Variants in DCC observed in about 807,000 individuals in gnomAD.
DCC encodes the protein netrin receptor DCC.
Under a neutral mutation model 172.5 loss-of-function variants are expected in DCC, and 58 were observed. The ratio of observed to expected loss-of-function variants is 0.34; its 90% CI spans 0.27 to 0.42. The LOEUF (loss-of-function observed/expected upper bound fraction) is 0.42, where lower values mean the gene tolerates loss of function less well. Ranked by LOEUF, DCC falls within the 10% of genes least tolerant of loss-of-function variation. The pLI is 1.00. For synonymous variants in DCC, 709 were observed against 644.5 expected, an observed-to-expected ratio of 1.10 and a Z score of -1.52; for missense variants, 1,740 against 1,791.0, an observed-to-expected ratio of 0.97 and a Z score of 0.51.
chr18:53,292,118 C>G (rs1045363125), intron 12 of DCC, among the ~76,000 whole-genome samples: 8 of 139,316 alleles, frequency 5.7e-5, no homozygotes, highest in African/African-American at 2.0e-4. Flanking sequence ...GCTCCACCCC[C>G]CCCCCCTTTT....
chr18:52,529,511 C>G (rs1179803031), intron 1 of DCC, among the ~76,000 whole-genome samples: 1 of 152,150 alleles, frequency 6.6e-6, no homozygotes, highest in Non-Finnish European at 1.5e-5. Flanking sequence ...AGGATGGTCT[C>G]GATCTCCTGA....
intron 1 of DCC, among the ~76,000 whole-genome samples, chr18:52,524,053 A>C (rs915133194): frequency 3.9e-5 from 6 of 152,356 alleles, no homozygotes; most frequent in African/African-American, 1.4e-4. Context: ...GGGTGTTGTT[A>C]CACCAAGTTT....
intron 28 of DCC, 126 bp downstream of exon 28, chr18:53,526,885 G>GTTGT (rs757838994): frequency 4.3e-5 from 21 of 485,706 alleles, no homozygotes; most frequent in Non-Finnish European, 7.0e-5. Flanking sequence ...TGTTCTTATT[G>GTTGT]TTGTTTGTTC....
intron 22 of DCC, among the ~76,000 whole-genome samples, chr18:53,449,481 C>T (rs1038051999): frequency 5.3e-5 from 8 of 152,174 alleles, no homozygotes; most frequent in African/African-American, 1.2e-4. Flanking sequence ...CTTTTGAACC[C>T]GGTGGCTGCT....
chr18:52,406,622 G>T (rs1363349166), intron 1 of DCC, among the ~76,000 whole-genome samples: 1 of 152,028 alleles, frequency 6.6e-6, no homozygotes, highest in Non-Finnish European at 1.5e-5. Context: ...TAAAATAAAT[G>T]TTCAAAGATG....
intron 28 of DCC, 57 bp from the exon 29 acceptor site, chr18:53,530,507 C>T: frequency 2.0e-6 from 2 of 1,000,664 alleles, no homozygotes; most frequent in Non-Finnish European, 1.6e-6. Flanking sequence ...CCCCGGCCTT[C>T]ATAAAAGAAA....
At chr18:53,091,992 C>T (rs959289603) in intron 7 of DCC, among the ~76,000 whole-genome samples, 1 of 151,332 alleles carries the variant, frequency 6.6e-6, no homozygotes, top group African/African-American at 2.4e-5. Flanking sequence ...TCATCTTGGC[C>T]TTTGAGATCA....
At chr18:53,273,264 T>C (rs1568405272) in intron 12 of DCC, among the ~76,000 whole-genome samples, 1 of 152,156 alleles carries the variant, frequency 6.6e-6, no homozygotes, top group Non-Finnish European at 1.5e-5. Flanking sequence ...TATGAAATTA[T>C]ACATGAGCCT....
chr18:52,738,504 CTT>C (rs1390808613), intron 1 of DCC, among the ~76,000 whole-genome samples: 3 of 152,000 alleles, frequency 2.0e-5, no homozygotes, highest in Admixed American at 2.0e-4. Flanking sequence ...AAATGATGGA[CTT>C]ATATAAGGCA....
At chr18:52,716,267 G>C (rs1008331677) in intron 1 of DCC, among the ~76,000 whole-genome samples, 10 of 152,218 alleles carry the variant, frequency 6.6e-5, no homozygotes, top group African/African-American at 2.4e-4. Flanking sequence ...GCACGTTGGC[G>C]GTTTTCTGGG....
At chr18:53,205,577 A>G (rs78492346) in intron 10 of DCC, among the ~76,000 whole-genome samples, 2,869 of 152,304 alleles carry the variant, frequency 0.019, 38 homozygotes, top group Non-Finnish European at 0.029. Context: ...TAAATGGGCA[A>G]TAAAGTGAAG....
Position 52,340,663 on chromosome 18 carries a change from G to A in DCC, c.-125G>A, listed in dbSNP as rs562417758. The A allele has an allele frequency of 1.3e-6, 1 of 773,912 alleles. No homozygotes were observed. The highest frequency in any genetic ancestry group is 1.4e-5 in the South Asian group (1 of 73,476). The allele number at this position is 773,912 out of a possible 1,614,324, so 47.9% of individuals were successfully genotyped here. On this transcript the variant is annotated 5_prime_UTR_variant, in exon 1 of 29. Coordinates refer to ENST00000442544, the MANE Select transcript of DCC (RefSeq NM_005215.4). ...GGAGAAAGAGGTGGAGGAAGAGGACGAGGAGGAGGAGGAAGCCGAAGGGGC... is the reference window on the plus strand; with the variant it reads ...GGAGAAAGAGGTGGAGGAAGAGGACAAGGAGGAGGAGGAAGCCGAAGGGGC...
intron 14 of DCC, among the ~76,000 whole-genome samples, chr18:53,326,722 T>C (rs140435667): frequency 6.6e-6 from 1 of 152,330 alleles, no homozygotes; most frequent in African/African-American, 2.4e-5. Flanking sequence ...TGGCTAATGT[T>C]GGAAAGCTTT....
intron 1 of DCC, among the ~76,000 whole-genome samples, chr18:52,696,765 A>G (rs938240131): frequency 7.2e-5 from 11 of 152,354 alleles, no homozygotes; most frequent in Non-Finnish European, 1.5e-5. Flanking sequence ...AGATAAGATC[A>G]GGTACAATGA....
chr18:53,070,191 G>T (rs2042633666), intron 7 of DCC, among the ~76,000 whole-genome samples: 1 of 151,958 alleles, frequency 6.6e-6, no homozygotes, highest in African/African-American at 2.4e-5. Flanking sequence ...ATAGAGACAG[G>T]GTTTCACCAG....
At chr18:53,154,288 T>C (rs2054692780) in intron 7 of DCC, among the ~76,000 whole-genome samples, 1 of 152,156 alleles carries the variant, frequency 6.6e-6, no homozygotes, top group East Asian at 1.9e-4. Flanking sequence ...CTCCCTGCCC[T>C]GTCTCACTTC....
chr18:53,426,115 A>G (rs555874142), intron 21 of DCC, among the ~76,000 whole-genome samples: 82 of 151,410 alleles, frequency 5.4e-4, no homozygotes, highest in African/African-American at 2.0e-3. Flanking sequence ...TTGGTTCCCT[A>G]ATTTTTGCCT....
At chr18:52,572,929 C>T (rs1411230036) in intron 1 of DCC, among the ~76,000 whole-genome samples, 1 of 152,102 alleles carries the variant, frequency 6.6e-6, no homozygotes, top group African/African-American at 2.4e-5. Context: ...ATAATAAATC[C>T]ACAGGTAAAC....
intron 5 of DCC, among the ~76,000 whole-genome samples, chr18:52,979,474 A>T (rs2041172332): frequency 6.6e-6 from 1 of 152,188 alleles, no homozygotes; most frequent in Non-Finnish European, 1.5e-5. Flanking sequence ...CAACTTTCTC[A>T]AAAGGCATGG....
Sources: allele counts gnomAD v4.1 joint callset (sites outside exome capture counted in the v4.1 genomes callset), GRCh38; gene constraint gnomAD v4.1.1; transcripts MANE v1.5; gene names NCBI Gene and HGNC (gene_info 2026-07-23, HGNC 2026-07-21).